HS3ST5: variants seen among roughly 807,000 people sequenced by gnomAD.
HS3ST5 encodes the protein heparan sulfate glucosamine 3-O-sulfotransferase 5.
A neutral mutation model predicts 25.4 loss-of-function variants in HS3ST5; 10 were observed. The observed-to-expected ratio is 0.39, with a 90% CI of 0.24 to 0.67. The LOEUF is 0.67. Among genes scored for constraint, HS3ST5 ranks in the 30% least tolerant of loss-of-function variants. HS3ST5 has a pLI of 0.44. For synonymous variants in HS3ST5, 170 were observed against 162.4 expected, an observed-to-expected ratio of 1.05 and a Z score of -0.36; for missense variants, 324 against 420.7, an observed-to-expected ratio of 0.77 and a Z score of 2.01.
At chr6:114,099,649 T>C (rs1179926075) in intron 3 of HS3ST5, among the ~76,000 whole-genome samples, 1 of 152,068 alleles carries the variant, frequency 6.6e-6, no homozygotes, top group Non-Finnish European at 1.5e-5. Flanking sequence ...AAAGACCATA[T>C]CCCTTATTAG....
At chr6:114,083,468 C>T (rs1360639533) in intron 3 of HS3ST5, among the ~76,000 whole-genome samples, 1 of 152,002 alleles carries the variant, frequency 6.6e-6, no homozygotes, top group Non-Finnish European at 1.5e-5. Context: ...GGAACTCACA[C>T]TACCTCCTTT....
At chr6:114,145,803 C>T (rs1333731887) in intron 3 of HS3ST5, among the ~76,000 whole-genome samples, 1 of 152,130 alleles carries the variant, frequency 6.6e-6, no homozygotes, top group Non-Finnish European at 1.5e-5. Flanking sequence ...GCTGTCTGCC[C>T]CTAAGCCACA....
chr6:114,123,750 GAA>G (rs1776906135), intron 3 of HS3ST5, among the ~76,000 whole-genome samples: 1 of 152,150 alleles, frequency 6.6e-6, no homozygotes, highest in African/African-American at 2.4e-5. Flanking sequence ...ACTCTGTATG[GAA>G]CACATACTCA....
chr6:114,093,395 G>C (rs1301431530), intron 3 of HS3ST5, among the ~76,000 whole-genome samples: 4 of 128,142 alleles, frequency 3.1e-5, no homozygotes, highest in Admixed American at 2.3e-4. Flanking sequence ...GTGTGTGTGT[G>C]TGTCTGGATG....
At chr6:114,135,953 C>A (rs1324672295) in intron 3 of HS3ST5, among the ~76,000 whole-genome samples, 1 of 152,162 alleles carries the variant, frequency 6.6e-6, no homozygotes, top group Non-Finnish European at 1.5e-5. Context: ...TTCAACAATC[C>A]ACATGTTAGA....
intron 1 of HS3ST5, among the ~76,000 whole-genome samples, chr6:114,328,213 A>C (rs1430576554): frequency 2.0e-5 from 3 of 152,012 alleles, no homozygotes; most frequent in Non-Finnish European, 4.4e-5. Flanking sequence ...AAGAAGTGAA[A>C]AAAGGAAGGA....
intron 1 of HS3ST5, among the ~76,000 whole-genome samples, chr6:114,320,481 A>C (rs1775919794): frequency 6.6e-6 from 1 of 152,012 alleles, no homozygotes; most frequent in South Asian, 2.1e-4. Context: ...CACTGTCCAA[A>C]TAACCTCACT....
chr6:114,163,240 T>C (rs1465387726), intron 3 of HS3ST5, among the ~76,000 whole-genome samples: 2 of 152,304 alleles, frequency 1.3e-5, no homozygotes, highest in Non-Finnish European at 2.9e-5. Flanking sequence ...ATTGAGCACA[T>C]GAGATTTATA....
At chr6:114,103,362 A>T (rs1220429728) in intron 3 of HS3ST5, among the ~76,000 whole-genome samples, 2 of 152,004 alleles carry the variant, frequency 1.3e-5, no homozygotes, top group African/African-American at 4.8e-5. Context: ...TAAACACATC[A>T]ACCTCTGATT....
intron 1 of HS3ST5, among the ~76,000 whole-genome samples, chr6:114,291,743 T>C (rs762709229): frequency 6.6e-6 from 1 of 152,162 alleles, no homozygotes; most frequent in Non-Finnish European, 1.5e-5. Flanking sequence ...CATTCAGCAT[T>C]TGTTATCAGT....
intron 3 of HS3ST5, among the ~76,000 whole-genome samples, chr6:114,118,787 C>G (rs143607375): frequency 5.6e-4 from 85 of 152,150 alleles, no homozygotes; most frequent in African/African-American, 1.8e-3. Context: ...CTATTCTGAC[C>G]AATAAAACAT....
At chr6:114,202,121 T>A (rs1344857693) in intron 2 of HS3ST5, among the ~76,000 whole-genome samples, 1 of 151,518 alleles carries the variant, frequency 6.6e-6, no homozygotes, top group Non-Finnish European at 1.5e-5. Context: ...CAAAAAAGTT[T>A]AAAAAAAAAT....
chr6:114,115,377 T>C (rs1562202720), intron 3 of HS3ST5, among the ~76,000 whole-genome samples: 1 of 152,130 alleles, frequency 6.6e-6, no homozygotes, highest in Non-Finnish European at 1.5e-5. Context: ...TCTCAGAACC[T>C]TTTGGCTAAA....
intron 3 of HS3ST5, among the ~76,000 whole-genome samples, chr6:114,075,868 C>T (rs532455696): frequency 1.3e-4 from 20 of 152,146 alleles, no homozygotes; most frequent in Non-Finnish European, 2.5e-4. Flanking sequence ...CCTTGAGGCT[C>T]GTCTTTTCCT....
chr6:114,079,908 T>C (rs1412151104), intron 3 of HS3ST5, among the ~76,000 whole-genome samples: 4 of 152,126 alleles, frequency 2.6e-5, no homozygotes, highest in Admixed American at 2.6e-4. Flanking sequence ...CCCAAATTCC[T>C]GGGATTACAG....
At chr6:114,154,507 C>T (rs772835987) in intron 3 of HS3ST5, among the ~76,000 whole-genome samples, 11 of 151,872 alleles carry the variant, frequency 7.2e-5, no homozygotes, top group Admixed American at 2.0e-4. Context: ...TTTTTGAAAT[C>T]AGTTTAAAAA....
intron 2 of HS3ST5, among the ~76,000 whole-genome samples, chr6:114,210,712 C>T (rs1781479767): frequency 6.6e-6 from 1 of 152,236 alleles, no homozygotes; most frequent in Non-Finnish European, 1.5e-5. Flanking sequence ...GCTCGCTCAG[C>T]ATTTGCAATG....
chr6:114,227,948 A>G (rs1025174428), intron 2 of HS3ST5, among the ~76,000 whole-genome samples: 1 of 152,120 alleles, frequency 6.6e-6, no homozygotes, highest in Non-Finnish European at 1.5e-5. Context: ...AAAAAGGAAT[A>G]ACTCAAATTA....
At chr6:114,330,158 A>G (rs1354014638) in intron 1 of HS3ST5, among the ~76,000 whole-genome samples, 1 of 152,184 alleles carries the variant, frequency 6.6e-6, no homozygotes, top group Non-Finnish European at 1.5e-5. Flanking sequence ...CCAAGTGATC[A>G]GCATCTCAAA....
Sources: gnomAD v4.1 joint callset for allele counts (sites outside exome capture counted in the v4.1 genomes callset) on GRCh38, gnomAD v4.1.1 for gene constraint, MANE v1.5 for transcripts, NCBI Gene and HGNC (gene_info 2026-07-23, HGNC 2026-07-21) for gene names.